Variants in GLIS1 observed in about 807,000 individuals in gnomAD.
GLIS1 encodes zinc finger protein GLIS1.
GLIS1 carries 24 observed loss-of-function variants against 63.8 expected under a neutral mutation model. That is an observed-to-expected ratio of 0.38 (90% CI 0.27 to 0.53). The LOEUF is 0.53. Among genes scored for constraint, GLIS1 ranks in the 20% least tolerant of loss-of-function variants. The pLI is 0.85. For missense variants in GLIS1, 1,036 were observed against 1,074.1 expected, an observed-to-expected ratio of 0.96 and a Z score of 0.50; for synonymous variants, 450 against 482.5, an observed-to-expected ratio of 0.93 and a Z score of 0.88.
chr1:53,555,649 G>T (rs1467221317), intron 4 of GLIS1, among the ~76,000 whole-genome samples: 1 of 152,250 alleles, frequency 6.6e-6, no homozygotes, highest in East Asian at 1.9e-4. Flanking sequence ...CACATTACAT[G>T]CCTGTATCAA....
chr1:53,576,644 T>C (rs1241435416), intron 4 of GLIS1, among the ~76,000 whole-genome samples: 1 of 152,112 alleles, frequency 6.6e-6, no homozygotes, highest in African/African-American at 2.4e-5. Flanking sequence ...CTGAGCAAAA[T>C]GCATGGATCA....
At chr1:53,659,942 G>A (rs28743002) in intron 2 of GLIS1, among the ~76,000 whole-genome samples, 31,407 of 152,080 alleles carry the variant, frequency 0.21, 3,307 homozygotes, top group East Asian at 0.34. Flanking sequence ...GAACAAAAAG[G>A]CCCCTGCCCT....
chr1:53,738,254 G>A, intron 1 of GLIS1, 148 bp from the exon 2 acceptor site: 1 of 445,410 alleles, frequency 2.2e-6, no homozygotes, highest in East Asian at 3.6e-5. Context: ...CCAATCAGAG[G>A]TCAAACCCAC....
chr1:53,600,935 G>A (rs1361707011), intron 2 of GLIS1, among the ~76,000 whole-genome samples: 1 of 152,218 alleles, frequency 6.6e-6, no homozygotes, highest in African/African-American at 2.4e-5. Flanking sequence ...AAGATTAGCT[G>A]AAGCAGTTGA....
At chr1:53,711,759 G>A (rs1386084746) in intron 2 of GLIS1, among the ~76,000 whole-genome samples, 1 of 152,238 alleles carries the variant, frequency 6.6e-6, no homozygotes, top group Non-Finnish European at 1.5e-5. Flanking sequence ...ATTGTTATCA[G>A]TTAACACTTT....
At chr1:53,711,819 A>T (rs1219970589) in intron 2 of GLIS1, among the ~76,000 whole-genome samples, 1 of 152,220 alleles carries the variant, frequency 6.6e-6, no homozygotes, top group Non-Finnish European at 1.5e-5. Flanking sequence ...TTTGGAGTCT[A>T]GTCCCTCCTC....
rs1399126277 is a variant in GLIS1 at position 53,539,505 on chromosome 1, TACAC to T, written c.1321-9557_1321-9554del. Among the ~76,000 whole-genome samples the T allele has an allele frequency of 1.6e-5, 2 of 121,388 alleles. No homozygotes were observed. The highest frequency in any genetic ancestry group is 1.7e-4 in the Admixed American group (2 of 11,792). 79.6% of individuals were successfully genotyped at this position (121,388 alleles called of 152,430 possible). A position where few individuals can be genotyped will look rare whatever the true frequency, so the allele number is the denominator to read the frequency against. ...ACACACACGTACCACACCCCCAACATACACACACCACACCACACACACACATACC... is the reference window on the plus strand; with the variant it reads ...ACACACACGTACCACACCCCCAACATACACCACACCACACACACACATACC... On this transcript the variant is annotated intron_variant, in intron 4 of 10. Transcript: ENST00000628545. This position sits in a 1 kb window ranked among gnomAD's most constrained non-coding sequence, Gnocchi z 5.0.
At chr1:53,655,853 TATC>T (rs1557505419) in intron 2 of GLIS1, among the ~76,000 whole-genome samples, 1 of 152,240 alleles carries the variant, frequency 6.6e-6, no homozygotes, top group African/African-American at 2.4e-5. Context: ...ACGAGCTGCA[TATC>T]ATCACTTAAT....
intron 2 of GLIS1, among the ~76,000 whole-genome samples, chr1:53,626,184 C>A (rs181500909): frequency 6.6e-6 from 1 of 152,192 alleles, no homozygotes; most frequent in African/African-American, 2.4e-5. Flanking sequence ...TTTGGCATGA[C>A]CAGAACCTGG....
In GLIS1 at chr1:53,552,686, C is replaced by T. The variant is rs923624674; in HGVS notation, c.1321-22734G>A. Among the ~76,000 whole-genome samples the T allele has an allele frequency of 1.2e-3, 190 of 152,286 alleles. 2 individuals are homozygous for T. The highest frequency in any genetic ancestry group is 1.6e-3 in the Non-Finnish European group (109 of 68,010). ...AATCGGCTCGTGCCCACAGATGGCT[C>T]CCCAGGGCTCCTCCATCCCACTTAG... On this transcript the variant is annotated intron_variant, in intron 4 of 10. Coordinates refer to ENST00000628545, the MANE Select transcript of GLIS1 (RefSeq NM_001367484.1).
chr1:53,558,512 G>A (rs940921531), intron 4 of GLIS1, among the ~76,000 whole-genome samples: 1 of 152,120 alleles, frequency 6.6e-6, no homozygotes, highest in Non-Finnish European at 1.5e-5. Flanking sequence ...TGAACATGAT[G>A]CGCCTTTGTT....
intron 4 of GLIS1, among the ~76,000 whole-genome samples, chr1:53,551,903 C>T (rs970739701): frequency 7.2e-5 from 11 of 152,100 alleles, no homozygotes; most frequent in Non-Finnish European, 1.5e-4. Context: ...CTTCTCCACA[C>T]TTCGACATAC....
intron 2 of GLIS1, among the ~76,000 whole-genome samples, chr1:53,719,561 C>A (rs1465018481): frequency 1.3e-5 from 2 of 152,144 alleles, no homozygotes; most frequent in African/African-American, 2.4e-5. Flanking sequence ...CTCAGCCAGA[C>A]CCACAATGCC....
chr1:53,630,497 C>CTTT (rs5774154), intron 2 of GLIS1, among the ~76,000 whole-genome samples: 1 of 145,012 alleles, frequency 6.9e-6, no homozygotes, highest in African/African-American at 2.5e-5. Flanking sequence ...CAATTTCTTT[C>CTTT]TTTTTTTTTT....
intron 2 of GLIS1, among the ~76,000 whole-genome samples, chr1:53,712,615 A>G (rs1718055): frequency 0.91 from 138,721 of 152,264 alleles, 63,555 homozygotes; most frequent in East Asian, 0.96. Flanking sequence ...ACAGGACTCG[A>G]CACAGAGGAG....
chr1:53,625,801 C>T (rs1204046591), intron 2 of GLIS1, among the ~76,000 whole-genome samples: 1 of 152,240 alleles, frequency 6.6e-6, no homozygotes, highest in African/African-American at 2.4e-5. Flanking sequence ...CAGGTCAATC[C>T]ATCCGTCTAC....
Position 53,646,471 on chromosome 1 carries a change from A to C in GLIS1, c.260-46193T>G, listed in dbSNP as rs1022550994. ...GGTAACATAGAATAACATCAAATAC[A>C]TACGGATAAATCTAACACAAGATAT... On this transcript the variant is annotated intron_variant, in intron 2 of 10. Transcript: ENST00000628545. The surrounding 1 kb of genome is among the most constrained non-coding windows in gnomAD (Gnocchi z 4.2). Among the ~76,000 whole-genome samples the C allele has an allele frequency of 3.3e-5, 5 of 152,238 alleles. No individual in the cohort carries two copies. The highest frequency in any genetic ancestry group is 7.2e-5 in the African/African-American group (3 of 41,464).
chr1:53,590,811 C>T (rs1005090451), intron 4 of GLIS1, among the ~76,000 whole-genome samples: 1 of 152,158 alleles, frequency 6.6e-6, no homozygotes, highest in Non-Finnish European at 1.5e-5. Flanking sequence ...ATGGTGATGC[C>T]ATTGACCTTG....
chr1:53,668,764 C>T (rs1299132435), intron 2 of GLIS1, among the ~76,000 whole-genome samples: 1 of 152,164 alleles, frequency 6.6e-6, no homozygotes, highest in Non-Finnish European at 1.5e-5. Flanking sequence ...AGCCAAGGAG[C>T]AGCAGGCTAT....
Sources: allele counts gnomAD v4.1 joint callset (sites outside exome capture counted in the v4.1 genomes callset), GRCh38; gene constraint gnomAD v4.1.1; non-coding constraint Gnocchi (gnomAD v3.1); transcripts MANE v1.5; gene names NCBI Gene and HGNC (gene_info 2026-07-23, HGNC 2026-07-21).